GLI3: variants seen among roughly 807,000 people sequenced by gnomAD.
The protein encoded by GLI3 is GLI family zinc finger 3, also known as transcription activator GLI3.
A neutral mutation model predicts 100.8 loss-of-function variants in GLI3; 20 were observed. The ratio of observed to expected loss-of-function variants is 0.20; its 90% CI spans 0.14 to 0.29. The LOEUF (loss-of-function observed/expected upper bound fraction) is 0.29. Among genes scored for constraint, GLI3 ranks in the 10% least tolerant of loss-of-function variants. The probability of loss-of-function intolerance (pLI) is 1.00; values close to 1 mark genes in which losing one functional copy is unlikely to be tolerated. For synonymous variants in GLI3, 938 were observed against 860.5 expected (o/e 1.09, Z -1.58); for missense variants, 2,040 against 2,128.5 (o/e 0.96, Z 0.82).
intron 2 of GLI3, among the ~76,000 whole-genome samples, chr7:42,167,675 T>C (rs910996998): frequency 6.6e-6 from 1 of 152,240 alleles, no homozygotes; most frequent in African/African-American, 2.4e-5. Flanking sequence ...ATGTAGCACA[T>C]GCTTTTGTTT....
intron 7 of GLI3, among the ~76,000 whole-genome samples, chr7:42,038,581 G>A (rs1466266873): frequency 6.6e-6 from 1 of 152,182 alleles, no homozygotes; most frequent in Non-Finnish European, 1.5e-5. Context: ...AATCTGGAAA[G>A]TGCCCCAGGA....
chr7:41,987,101 G>GACAGAC (rs1787850174), intron 10 of GLI3, among the ~76,000 whole-genome samples: 1 of 140,614 alleles, frequency 7.1e-6, no homozygotes, highest in East Asian at 2.2e-4. Flanking sequence ...CACAGACACA[G>GACAGAC]ACACACACAC....
intron 2 of GLI3, among the ~76,000 whole-genome samples, chr7:42,187,952 G>A (rs938478909): frequency 1.5e-5 from 2 of 137,468 alleles, no homozygotes; most frequent in Non-Finnish European, 3.0e-5. Context: ...GCAATGAGCC[G>A]AGATCGCGCC....
At chr7:42,141,152 AT>A (rs1304442402) in intron 3 of GLI3, among the ~76,000 whole-genome samples, 1 of 152,220 alleles carries the variant, frequency 6.6e-6, no homozygotes, top group Non-Finnish European at 1.5e-5. Context: ...TGTTACCAAA[AT>A]ATGAATTGCC....
intron 3 of GLI3, among the ~76,000 whole-genome samples, chr7:42,142,011 T>G (rs1786580315): frequency 2.0e-5 from 3 of 152,150 alleles, no homozygotes; most frequent in Admixed American, 2.0e-4. Flanking sequence ...AAGTAAGTAC[T>G]GCCTCGGACT....
chr7:42,079,962 C>T (rs904182805), intron 3 of GLI3, among the ~76,000 whole-genome samples: 1 of 152,120 alleles, frequency 6.6e-6, no homozygotes, highest in Non-Finnish European at 1.5e-5. Context: ...GCAGTGATTA[C>T]GTGTATGGAG....
chr7:41,989,259 T>G (rs1787918209), intron 10 of GLI3, among the ~76,000 whole-genome samples: 1 of 152,202 alleles, frequency 6.6e-6, no homozygotes, highest in Admixed American at 6.5e-5. Context: ...AACTGTGTAG[T>G]CATGGAACGA....
chr7:42,220,352 A>G (rs1788462097), intron 2 of GLI3, among the ~76,000 whole-genome samples: 1 of 152,326 alleles, frequency 6.6e-6, no homozygotes, highest in South Asian at 2.1e-4. Flanking sequence ...AAAAAGAGAA[A>G]AGATAGGAAG....
chr7:42,191,344 T>C (rs1053034323), intron 2 of GLI3, among the ~76,000 whole-genome samples: 5 of 152,166 alleles, frequency 3.3e-5, no homozygotes, highest in African/African-American at 1.2e-4. Context: ...CCGTGGTGGC[T>C]CTCGCCTATA....
At chr7:42,149,329 G>A (rs1021901046) in intron 2 of GLI3, among the ~76,000 whole-genome samples, 5 of 152,162 alleles carry the variant, frequency 3.3e-5, no homozygotes, top group African/African-American at 7.2e-5. Context: ...CATATACAGC[G>A]GGTATTCCAG....
At chr7:42,003,369 C>T (rs76840513) in intron 10 of GLI3, among the ~76,000 whole-genome samples, 9,481 of 151,996 alleles carry the variant, frequency 0.062, 426 homozygotes, top group Non-Finnish European at 0.096. Flanking sequence ...AAAAATATTT[C>T]CTAAAAGACA....
intron 2 of GLI3, among the ~76,000 whole-genome samples, chr7:42,186,707 C>A (rs529147151): frequency 6.6e-6 from 1 of 152,318 alleles, no homozygotes; most frequent in East Asian, 1.9e-4. Context: ...AGACAAACAT[C>A]ATCTTTGAAA....
At chr7:42,182,329 G>A (rs2128682571) in intron 2 of GLI3, among the ~76,000 whole-genome samples, 1 of 151,670 alleles carries the variant, frequency 6.6e-6, no homozygotes, top group East Asian at 1.9e-4. Flanking sequence ...ACAGCTTTAG[G>A]GGAAAAAATG....
chr7:42,086,062 A>G (rs554241334), intron 3 of GLI3, among the ~76,000 whole-genome samples: 1 of 152,338 alleles, frequency 6.6e-6, no homozygotes, highest in African/African-American at 2.4e-5. Context: ...TCAATCAACA[A>G]CTAAAGGTCT....
rs1232212483 is a variant in GLI3 at position 41,967,814 on chromosome 7, A to G, written c.2213T>C (p.Ile738Thr). 6.2e-7 allele frequency: 1 copy of G among 1,614,142 alleles called. No homozygotes were observed. The highest frequency in any genetic ancestry group is 1.1e-5 in the South Asian group (1 of 91,082). ...TTCATCGATGGCACTGAGGTCTCCT[A>G]TACTACCTCCATCGGTCAGAGGAAG... ...LELPLTDGGSIGDLSAIDETP... is the reference protein window; with the variant it reads ...LELPLTDGGSTGDLSAIDETP... Residue 738 changes from isoleucine to threonine, a missense_variant, in exon 14 of 15, where the codon ATA becomes ACA. By Grantham distance (89) the Ile-to-Thr change is moderately conservative (BLOSUM62 -1). Coordinates refer to ENST00000395925, the MANE Select transcript of GLI3 (RefSeq NM_000168.6).
At chr7:42,092,293 C>T (rs920183045) in intron 3 of GLI3, among the ~76,000 whole-genome samples, 18 of 152,124 alleles carry the variant, frequency 1.2e-4, no homozygotes, top group African/African-American at 4.3e-4. Context: ...AAAATAATAA[C>T]GAAGCAACAC....
At chr7:42,030,696 G>GTTTTTT (rs201325272) in intron 7 of GLI3, among the ~76,000 whole-genome samples, 2 of 133,468 alleles carry the variant, frequency 1.5e-5, no homozygotes, top group Non-Finnish European at 1.6e-5. Flanking sequence ...TTGTTGATTT[G>GTTTTTT]TTTTTTTTTT....
chr7:42,167,815 G>A lies in GLI3; in HGVS notation c.125-19347C>T, dbSNP rs539634080. Among the ~76,000 whole-genome samples, 15 of 152,274 alleles carry A rather than the reference G, an allele frequency of 9.9e-5. No homozygotes were observed. The South Asian group carries it at 2.5e-3, about 25-fold the overall frequency. On this transcript the variant is annotated intron_variant, in intron 2 of 14. Coordinates refer to ENST00000395925, the MANE Select transcript of GLI3 (RefSeq NM_000168.6). The stretch of plus-strand genomic sequence containing the variant: ...GAATTTAGAGAGAGAGAAAAAATCA[G>A]ACATAAAGCTGGTAAAAAGCAACTA...
chr7:42,234,032 G>A (rs1319880813), intron 1 of GLI3, among the ~76,000 whole-genome samples: 1 of 152,092 alleles, frequency 6.6e-6, no homozygotes, highest in Non-Finnish European at 1.5e-5. Context: ...CTCCTTCAAA[G>A]AATTCTTTAG....
Sources: gnomAD v4.1 joint callset for allele counts (sites outside exome capture counted in the v4.1 genomes callset) on GRCh38, gnomAD v4.1.1 for gene constraint, MANE v1.5 for transcripts, NCBI Gene and HGNC (gene_info 2026-07-23, HGNC 2026-07-21) for gene names.